The following RORA variants were observed in gnomAD, a reference collection of about 807,000 sequenced individuals.
RORA encodes the protein nuclear receptor ROR-alpha.
In RORA, 7 loss-of-function variants were observed where a neutral mutation model predicts 69.5. The ratio of observed to expected loss-of-function variants is 0.10; its 90% CI spans 0.06 to 0.19. RORA has a LOEUF of 0.19. Among genes scored for constraint, RORA ranks in the 10% least tolerant of loss-of-function variants. The pLI, the probability that RORA is intolerant of heterozygous loss-of-function variation, is 1.00. For missense variants in RORA, 457 were observed against 663.0 expected (o/e 0.69, Z 3.41); for synonymous variants, 261 against 240.8 (o/e 1.08, Z -0.78).
chr15:61,175,154 A>T (rs10152663), intron 1 of RORA, among the ~76,000 whole-genome samples: 78,258 of 151,900 alleles, frequency 0.52, 20,986 homozygotes, highest in Non-Finnish European at 0.6. Flanking sequence ...ACATAAGTTC[A>T]CTCTGTCTAG....
At chr15:60,862,943 G>C (rs1216984224) in intron 1 of RORA, among the ~76,000 whole-genome samples, 2 of 152,108 alleles carry the variant, frequency 1.3e-5, no homozygotes, top group African/African-American at 4.8e-5. Context: ...CTTTCATATA[G>C]GGGCTTTTCC....
chr15:60,631,478 C>A (rs1261740760), intron 2 of RORA, among the ~76,000 whole-genome samples: 1 of 152,206 alleles, frequency 6.6e-6, no homozygotes, highest in Non-Finnish European at 1.5e-5. Context: ...ATTCATTTCC[C>A]TAACAGAAAA....
At chr15:60,702,952 A>G (rs1596139520) in intron 1 of RORA, among the ~76,000 whole-genome samples, 1 of 152,144 alleles carries the variant, frequency 6.6e-6, no homozygotes. Flanking sequence ...ACCTCTATCC[A>G]TAAACAGCCT....
At chr15:60,920,183 AT>A (rs1159163056) in intron 1 of RORA, among the ~76,000 whole-genome samples, 27 of 152,236 alleles carry the variant, frequency 1.8e-4, no homozygotes, top group African/African-American at 6.3e-4. Flanking sequence ...CCTTGGAATT[AT>A]GTATGCATCT....
intron 1 of RORA, among the ~76,000 whole-genome samples, chr15:60,719,498 T>C (rs1328463460): frequency 6.6e-6 from 1 of 152,124 alleles, no homozygotes; most frequent in Non-Finnish European, 1.5e-5. Flanking sequence ...GCACTAAAAA[T>C]AGTTTACACA....
chr15:61,201,904 A>G (rs889058755), intron 1 of RORA, among the ~76,000 whole-genome samples: 2 of 151,980 alleles, frequency 1.3e-5, no homozygotes, highest in Admixed American at 1.3e-4. Flanking sequence ...TCCTCATAAC[A>G]TTACAAGCGA....
intron 1 of RORA, among the ~76,000 whole-genome samples, chr15:61,015,506 C>T (rs544602482): frequency 6.6e-6 from 1 of 152,198 alleles, no homozygotes; most frequent in African/African-American, 2.4e-5. Flanking sequence ...AGGCCTTTTG[C>T]TCACCTGCAA....
intron 1 of RORA, among the ~76,000 whole-genome samples, chr15:60,943,913 C>T (rs189017370): frequency 2.8e-3 from 17 of 6,052 alleles, no homozygotes; most frequent in African/African-American, 4.5e-3. Context: ...CAGACTCCAT[C>T]TCCAAAAAAA....
chr15:61,024,516 T>A (rs1283534605), intron 1 of RORA, among the ~76,000 whole-genome samples: 1 of 150,618 alleles, frequency 6.6e-6, no homozygotes, highest in African/African-American at 2.4e-5. Context: ...AGTGGCATGA[T>A]CTTGGTTCAT....
chr15:60,497,851 G>T (rs1255483888), intron 10 of RORA, among the ~76,000 whole-genome samples: 1 of 151,966 alleles, frequency 6.6e-6, no homozygotes, highest in African/African-American at 2.4e-5. Flanking sequence ...CTGAGCTCAG[G>T]AGTTCAAGAC....
At chr15:60,686,245 A>G (rs1191686315) in intron 1 of RORA, among the ~76,000 whole-genome samples, 3 of 152,250 alleles carry the variant, frequency 2.0e-5, no homozygotes, top group African/African-American at 7.2e-5. Context: ...CAAAGGCAAC[A>G]TAAAGAGACC....
chr15:60,624,498 T>TATATATATATATATG (rs2069513906), intron 2 of RORA, among the ~76,000 whole-genome samples: 1 of 52,010 alleles, frequency 1.9e-5, no homozygotes, highest in African/African-American at 9.9e-5. Flanking sequence ...ATATATATAT[T>TATATATATATATATG]TGCTGTATGT....
Position 61,128,831 on chromosome 15 carries a change from A to G in RORA, c.166+100222T>C, listed in dbSNP as rs2079165531. On this transcript the variant is annotated intron_variant, in intron 1 of 10. Coordinates refer to ENST00000335670, the MANE Select transcript of RORA (RefSeq NM_134261.3). The surrounding 1 kb of genome is among the most constrained non-coding windows in gnomAD (Gnocchi z 4.5). Reference sequence around the variant, plus strand: ...AGTCAAGTGCTAAGCAAAGTCAATCAGCACACGATGGCCCCAGGAATGAGA... The same window carrying G: ...AGTCAAGTGCTAAGCAAAGTCAATCGGCACACGATGGCCCCAGGAATGAGA... Among the ~76,000 whole-genome samples, 1 of 152,212 alleles carries G rather than the reference A, an allele frequency of 6.6e-6. No individual in the cohort carries two copies.
chr15:60,851,040 T>C (rs1031104149), intron 1 of RORA, among the ~76,000 whole-genome samples: 2 of 152,120 alleles, frequency 1.3e-5, no homozygotes, highest in African/African-American at 2.4e-5. Flanking sequence ...GAAGATGCAG[T>C]ACAAACAAAA....
chr15:61,146,608 CTTAT>C (rs1251842764), intron 1 of RORA, among the ~76,000 whole-genome samples: 3 of 152,120 alleles, frequency 2.0e-5, no homozygotes, highest in Non-Finnish European at 4.4e-5. Context: ...ACTCTGCTTC[CTTAT>C]TTAATAAACA....
chr15:61,007,463 G>C (rs1894943196), intron 1 of RORA, among the ~76,000 whole-genome samples: 1 of 151,978 alleles, frequency 6.6e-6, no homozygotes. Context: ...ATTTCTAATA[G>C]ACATTAACTT....
At chr15:60,571,415 T>C (rs1450126292) in intron 2 of RORA, among the ~76,000 whole-genome samples, 1 of 152,232 alleles carries the variant, frequency 6.6e-6, no homozygotes, top group East Asian at 1.9e-4. Flanking sequence ...GAATTAGTTT[T>C]TTCTCTTTTC....
At chr15:60,927,416 A>G (rs1892249491) in intron 1 of RORA, among the ~76,000 whole-genome samples, 1 of 152,154 alleles carries the variant, frequency 6.6e-6, no homozygotes, top group Non-Finnish European at 1.5e-5. Context: ...ACTTCTTTCA[A>G]TTTCGAATAT....
intron 1 of RORA, among the ~76,000 whole-genome samples, chr15:60,946,924 C>T (rs961321611): frequency 1.8e-4 from 28 of 152,220 alleles, no homozygotes; most frequent in African/African-American, 4.3e-4. Flanking sequence ...GCCCCGACCC[C>T]GTCTGGGAGG....
Sources: gnomAD v4.1 joint callset for allele counts (sites outside exome capture counted in the v4.1 genomes callset) on GRCh38, gnomAD v4.1.1 for gene constraint, Gnocchi (gnomAD v3.1) non-coding constraint, MANE v1.5 for transcripts, NCBI Gene and HGNC (gene_info 2026-07-23, HGNC 2026-07-21) for gene names.